The following TRRAP variants were observed in gnomAD, a reference collection of about 807,000 sequenced individuals.
TRRAP encodes the protein transformation/transcription domain-associated protein.
In TRRAP, 41 loss-of-function variants were observed where a neutral mutation model predicts 438.8. That is an observed-to-expected ratio of 0.09 (90% CI 0.07 to 0.12). TRRAP has a LOEUF of 0.12. Among genes scored for constraint, TRRAP ranks in the 10% least tolerant of loss-of-function variants. The pLI, the probability that TRRAP is intolerant of heterozygous loss-of-function variation, is 1.00. For synonymous variants in TRRAP, 1,994 were observed against 1,962.9 expected, an observed-to-expected ratio of 1.02 and a Z score of -0.42; for missense variants, 3,122 against 5,055.1, an observed-to-expected ratio of 0.62 and a Z score of 11.60.
intron 48 of TRRAP, 129 bp downstream of exon 48, chr7:98,964,904 C>T (rs973591741): frequency 1.3e-5 from 15 of 1,190,232 alleles, no homozygotes; most frequent in African/African-American, 1.1e-4. Flanking sequence ...GGTCGTAAAT[C>T]GTTACCATTT....
intron 67 of TRRAP, chr7:98,999,215 G>T: frequency 1.5e-6 from 2 of 1,324,136 alleles, no homozygotes; most frequent in South Asian, 1.2e-5. Context: ...CAGTACACAG[G>T]CTTCACTCCA....
In TRRAP at chr7:98,935,590, G is replaced by A. The variant is rs782811676; in HGVS notation, c.4026G>A (p.Leu1342=). The change falls in exon 28 of 73, where the codon TTG becomes TTA. Residue 1342 remains leucine, a synonymous_variant. Transcript: ENST00000456197. ...TTTATCTTTTGCAGCTGTTGAATTT[G>A]TGTGAGGCTGAAGATTCAGCTTTAA... ...HKVFYTELLN[L]CEAEDSALTK... is the part of the protein sequence containing the mutation. The A allele has an allele frequency of 1.9e-6, 3 of 1,600,602 alleles. No homozygotes were observed. The East Asian group carries it at 6.7e-5, about 36-fold the overall frequency.
At chr7:98,897,671 G>GT (rs1244651119) in intron 7 of TRRAP, 70 bp from the exon 8 acceptor site, 6 of 1,455,086 alleles carry the variant, frequency 4.1e-6, no homozygotes, top group East Asian at 4.9e-5. Flanking sequence ...GTTTTGTTTT[G>GT]TTTTGTTTTG....
intron 4 of TRRAP, among the ~76,000 whole-genome samples, chr7:98,891,266 C>T (rs1554404828): frequency 7.2e-6 from 1 of 139,782 alleles, no homozygotes; most frequent in East Asian, 2.1e-4. Flanking sequence ...GGCTGGAGTG[C>T]AGTGGCACGA....
intron 53 of TRRAP, among the ~76,000 whole-genome samples, chr7:98,975,797 G>A (rs763202764): frequency 1.3e-4 from 20 of 152,334 alleles, no homozygotes; most frequent in Non-Finnish European, 2.4e-4. Context: ...GGGCCTCGGT[G>A]ACATCTGTGT....
In TRRAP at chr7:98,911,874, G is replaced by A. The variant is rs139976284; in HGVS notation, c.2008-148G>A. On this transcript the variant is annotated intron_variant, in intron 17 of 72. Coordinates refer to ENST00000456197, the MANE Select transcript of TRRAP (RefSeq NM_001375524.1). Reference sequence around the variant, plus strand: ...GCCCTGCTCAGTGCTCAGTAAACCCGTTTCATTTTTTTCCTTTGGTGGATA... The same window carrying A: ...GCCCTGCTCAGTGCTCAGTAAACCCATTTCATTTTTTTCCTTTGGTGGATA... 8.4e-5 allele frequency: 56 copies of A among 666,570 alleles called. No individual in the cohort carries two copies. In the African/African-American group the frequency reaches 8.5e-4, roughly 10 times the overall value. The allele number at this position is 666,570 out of a possible 1,614,324, so 41.3% of individuals were successfully genotyped here.
At chr7:98,953,106 A>T in intron 39 of TRRAP, 61 bp from the exon 40 acceptor site, 1 of 1,576,030 alleles carries the variant, frequency 6.3e-7, no homozygotes, top group Non-Finnish European at 8.6e-7. Context: ...CTGTCGTATG[A>T]CCCTCAGTCA....
At position 98,897,802 on chromosome 7, in the gene TRRAP, T is replaced by C. The variant is rs781886243; in HGVS notation, c.569T>C (p.Val190Ala). ...AACACAGTGCCTCCCCCAGAAATGG[T>C]TGGTATGATAACAACGATTGCTGTG... is the stretch of plus-strand genomic sequence containing the variant. Reference protein sequence around the residue: ...PENTVPPPEMVGMITTIAVKV... With the variant: ...PENTVPPPEMAGMITTIAVKV... The change falls in exon 8 of 73, where the codon GTT becomes GCT. Residue 190 changes from valine to alanine, a missense_variant. By Grantham distance (64) the Val-to-Ala change is moderately conservative. Around this residue, in one of 24 missense-constraint regions of TRRAP, gnomAD observed 343 missense variants for 564.0 expected, o/e 0.61. Coordinates refer to ENST00000456197, the MANE Select transcript of TRRAP (RefSeq NM_001375524.1). 6.2e-7 allele frequency: 1 copy of C among 1,613,624 alleles called. No individual in the cohort carries two copies. Among genetic ancestry groups the C allele is most frequent in the Non-Finnish European group, 8.5e-7 (1 of 1,179,874 alleles).
rs757784130 is a variant in TRRAP at position 99,005,203 on chromosome 7, T to C, written c.10608T>C (p.Asn3536=). 6.2e-7 allele frequency: 1 copy of C among 1,613,502 alleles called. No homozygotes were observed. The highest frequency in any genetic ancestry group is 1.1e-5 in the South Asian group (1 of 91,056). Residue 3536 remains asparagine, a synonymous_variant, in exon 69 of 73, where the codon AAT becomes AAC. Transcript: ENST00000456197. This position sits in a 1 kb window ranked among gnomAD's most constrained non-coding sequence, Gnocchi z 5.1. ...AARRLYIRGH[N]GKIYPYLVMN... ...GGCGGCTGTACATCCGGGGACACAA[T>C]GGCAAGATCTACCCATACCTCGTCA... is the stretch of plus-strand genomic sequence containing the variant.
chr7:98,987,441 A>G (rs938147755), intron 62 of TRRAP, among the ~76,000 whole-genome samples: 5 of 152,188 alleles, frequency 3.3e-5, no homozygotes, highest in Non-Finnish European at 7.4e-5. Flanking sequence ...CTTATGTTAA[A>G]TTTATTCCTC....
In TRRAP at chr7:98,961,276, G is replaced by A; in HGVS notation, c.6505G>A (p.Val2169Met). The A allele has an allele frequency of 6.2e-7, 1 of 1,614,116 alleles. No individual in the cohort carries two copies. The highest frequency in any genetic ancestry group is 8.5e-7 in the Non-Finnish European group (1 of 1,179,998). ...TCCATTGCAGGAGCAGCCAAACCAA[G>A]TGAACTATGGGAATATCTGCACGGG... ...LLMTVEQPNQVNYGNICTGLE... is the reference protein window; with the variant it reads ...LLMTVEQPNQMNYGNICTGLE... Residue 2169 changes from valine to methionine, a missense_variant, in exon 46 of 73, where the codon GTG becomes ATG. Around this residue, in one of 24 missense-constraint regions of TRRAP, gnomAD observed 992 missense variants for 1,281.2 expected, o/e 0.77. Coordinates refer to ENST00000456197, the MANE Select transcript of TRRAP (RefSeq NM_001375524.1).
At chr7:98,979,789 A>G (rs2116745461) in intron 58 of TRRAP, among the ~76,000 whole-genome samples, 1 of 152,322 alleles carries the variant, frequency 6.6e-6, no homozygotes, top group Middle Eastern at 3.4e-3. Context: ...CTCACTGCTT[A>G]GAAAAAAACT....
intron 67 of TRRAP, among the ~76,000 whole-genome samples, chr7:98,997,440 A>AG (rs1327378074): frequency 1.4e-5 from 2 of 138,240 alleles, no homozygotes; most frequent in Non-Finnish European, 3.1e-5. Context: ...CAGAAAAAGG[A>AG]GTAGGTATCA....
chr7:98,990,299 C>T (rs556505969), intron 63 of TRRAP, among the ~76,000 whole-genome samples, 156 bp from the exon 64 acceptor site: 1 of 152,336 alleles, frequency 6.6e-6, no homozygotes, highest in African/African-American at 2.4e-5. Context: ...GTAAGATTTA[C>T]ATTAAGTTTA....
intron 3 of TRRAP, among the ~76,000 whole-genome samples, chr7:98,887,714 A>C (rs1158121364): frequency 9.3e-6 from 1 of 107,568 alleles, no homozygotes; most frequent in Non-Finnish European, 1.8e-5. Flanking sequence ...TGGTGACAAG[A>C]GTGAAACTCC....
At chr7:98,939,342 T>C (rs1371908815) in intron 30 of TRRAP, among the ~76,000 whole-genome samples, 2 of 152,318 alleles carry the variant, frequency 1.3e-5, no homozygotes, top group Middle Eastern at 3.4e-3. Flanking sequence ...TGTGATACAG[T>C]GTATCACAGT....
chr7:98,977,946 G>A (rs1215114932), intron 56 of TRRAP, among the ~76,000 whole-genome samples: 1 of 152,200 alleles, frequency 6.6e-6, no homozygotes, highest in Admixed American at 6.5e-5. Context: ...CCAGGTCTGT[G>A]ATTCAGCCTG....
chr7:99,007,335 CAG>C (rs1290825664), intron 69 of TRRAP, among the ~76,000 whole-genome samples: 1 of 152,172 alleles, frequency 6.6e-6, no homozygotes, highest in Non-Finnish European at 1.5e-5. Context: ...GAGCATTTGG[CAG>C]AGTCTGTTTT....
At chr7:98,975,629 CT>C (rs1238260303) in intron 53 of TRRAP, among the ~76,000 whole-genome samples, 1 of 152,246 alleles carries the variant, frequency 6.6e-6, no homozygotes, top group Non-Finnish European at 1.5e-5. Flanking sequence ...CTCTTCTGTT[CT>C]GTTTCAGTCC....
Sources: gnomAD v4.1 joint callset for allele counts (sites outside exome capture counted in the v4.1 genomes callset) on GRCh38, gnomAD v4.1.1 for gene constraint, gnomAD v4.1.1 regional missense constraint, Gnocchi (gnomAD v3.1) non-coding constraint, MANE v1.5 for transcripts, NCBI Gene and HGNC (gene_info 2026-07-23, HGNC 2026-07-21) for gene names.